PDXDC1: variants seen among roughly 807,000 people sequenced by gnomAD.
PDXDC1 encodes the protein pyridoxal dependent decarboxylase domain containing 1.
In PDXDC1, 42 loss-of-function variants were observed where a neutral mutation model predicts 100.1. The observed-to-expected ratio is 0.42, with a 90% CI of 0.33 to 0.54. The LOEUF is 0.54. Among genes scored for constraint, PDXDC1 ranks in the 20% least tolerant of loss-of-function variants. The pLI, the probability that PDXDC1 is intolerant of heterozygous loss-of-function variation, is 0.10. For synonymous variants in PDXDC1, 260 were observed against 371.7 expected, an observed-to-expected ratio of 0.70 and a Z score of 3.46; for missense variants, 636 against 979.2, an observed-to-expected ratio of 0.65 and a Z score of 4.68.
chr16:15,001,086 G>A (rs1327642348), intron 3 of PDXDC1, among the ~76,000 whole-genome samples: 2 of 152,272 alleles, frequency 1.3e-5, no homozygotes, highest in African/African-American at 4.8e-5. Context: ...TGGGCAAGGT[G>A]GCTCAGGCCT....
chr16:15,069,995 A>C, intron 16 of PDXDC1: 3 of 1,221,426 alleles, frequency 2.5e-6, no homozygotes, highest in Non-Finnish European at 1.2e-6. Context: ...AAATCTCAAA[A>C]AAGTAATGAA....
intron 16 of PDXDC1, among the ~76,000 whole-genome samples, chr16:15,090,035 C>T (rs1214813021): frequency 6.6e-6 from 1 of 151,590 alleles, no homozygotes; most frequent in Non-Finnish European, 1.5e-5. Context: ...ATGGTGAAAC[C>T]CCGTTTCTAC....
At chr16:15,052,904 GTATTACCCA>G (rs2044353664) in intron 16 of PDXDC1, among the ~76,000 whole-genome samples, 2 of 152,094 alleles carry the variant, frequency 1.3e-5, no homozygotes, top group African/African-American at 4.8e-5. Flanking sequence ...CTGTGGAACC[GTATTACCCA>G]AGATGTTGCA....
At chr16:15,069,640 G>A (rs180738012) in intron 16 of PDXDC1, among the ~76,000 whole-genome samples, 1 of 152,298 alleles carries the variant, frequency 6.6e-6, no homozygotes, top group Non-Finnish European at 1.5e-5. Flanking sequence ...CTAACCATGT[G>A]ATCTTGGGAA....
chr16:15,075,250 C>CA (rs56913254), intron 16 of PDXDC1, among the ~76,000 whole-genome samples: 1,899 of 67,836 alleles, frequency 0.028, 17 homozygotes, highest in African/African-American at 0.042. Flanking sequence ...TGTGCCCCAC[C>CA]AAAAAAAAAA....
chr16:15,074,213 G>C (rs935371261), intron 16 of PDXDC1, among the ~76,000 whole-genome samples: 3 of 152,154 alleles, frequency 2.0e-5, no homozygotes, highest in African/African-American at 7.2e-5. Flanking sequence ...TCAGATTCCA[G>C]TTCTATTATT....
chr16:15,089,579 T>A (rs553004194), intron 16 of PDXDC1, among the ~76,000 whole-genome samples: 40 of 151,686 alleles, frequency 2.6e-4, no homozygotes, highest in Non-Finnish European at 4.6e-4. Flanking sequence ...GGCGGGCGGA[T>A]CACGAGGTCA....
chr16:15,144,536 C>G, the PDXDC1 span, among the ~76,000 whole-genome samples: 1 of 152,164 alleles, frequency 6.6e-6, no homozygotes, highest in Non-Finnish European at 1.5e-5. Context: ...TGCCAGGCCC[C>G]AGGCAACAGA....
intron 16 of PDXDC1, among the ~76,000 whole-genome samples, chr16:15,066,334 A>G (rs946350560): frequency 2.0e-5 from 3 of 152,164 alleles, no homozygotes; most frequent in African/African-American, 7.2e-5. Context: ...CCTGAGCACT[A>G]AAACACTAAC....
chr16:15,021,843 C>T (rs1490456709), intron 12 of PDXDC1, among the ~76,000 whole-genome samples: 1 of 152,308 alleles, frequency 6.6e-6, no homozygotes, highest in African/African-American at 2.4e-5. Flanking sequence ...CTTCTCTTCT[C>T]CCTCTCTTCT....
chr16:15,029,438 TGGACACGCCCAGCCTAGCA>T (rs1419573611), intron 15 of PDXDC1: 1 of 369,686 alleles, frequency 2.7e-6, no homozygotes, highest in African/African-American at 2.0e-5. Context: ...TAGCCAATGC[TGGACACGCCCAGCCTAGCA>T]GGGTTGGCAG....
At chr16:15,027,213 G>A (rs1455681267) in intron 14 of PDXDC1, among the ~76,000 whole-genome samples, 9 of 152,414 alleles carry the variant, frequency 5.9e-5, no homozygotes, top group Admixed American at 3.9e-4. Context: ...TGTTGAAACC[G>A]GAAAGGTTCC....
chr16:15,003,982 C>G (rs1973734465), intron 4 of PDXDC1, among the ~76,000 whole-genome samples: 1 of 152,330 alleles, frequency 6.6e-6, no homozygotes, highest in Non-Finnish European at 1.5e-5. Flanking sequence ...GAGACTCCAT[C>G]TCAGAAAAAA....
At position 15,078,146 on chromosome 16, in the gene PDXDC1, G is replaced by GAAAGACT. The variant is rs2045545255; in HGVS notation, c.1399+48092_1399+48098dup. 2.0e-5 allele frequency among the ~76,000 whole-genome samples: 3 copies of GAAAGACT among 152,280 alleles called. No homozygotes were observed. The South Asian group carries it at 6.2e-4, about 32-fold the overall frequency. Reference sequence around the variant, plus strand: ...AAATGTTCCTTAAGTATATACCAGAGAAAGACTATAAAGAGTACATATACA... The same window carrying GAAAGACT: ...AAATGTTCCTTAAGTATATACCAGAGAAAGACTAAAGACTATAAAGAGTACATATACA... On this transcript the variant is annotated intron_variant, in intron 16 of 16. Transcript: ENST00000535621.
chr16:15,147,222 A>G, the PDXDC1 span, among the ~76,000 whole-genome samples: 3 of 152,018 alleles, frequency 2.0e-5, no homozygotes, highest in Admixed American at 1.3e-4. Context: ...AGGGCCCCTC[A>G]GCCCCTCGGG....
chr16:15,079,588 T>C (rs1366218372), intron 16 of PDXDC1, among the ~76,000 whole-genome samples: 12 of 118,572 alleles, frequency 1.0e-4, no homozygotes, highest in Non-Finnish European at 1.9e-4. Flanking sequence ...GTGCTAGTGG[T>C]TTCTTTTCTT....
At chr16:15,056,749 G>C (rs2044539963) in intron 16 of PDXDC1, among the ~76,000 whole-genome samples, 1 of 152,128 alleles carries the variant, frequency 6.6e-6, no homozygotes, top group Non-Finnish European at 1.5e-5. Flanking sequence ...GCTATGTTTG[G>C]GCACTGCAGA....
Position 15,109,690 on chromosome 16 carries a change from A to G in PDXDC1, c.1400-29189A>G, listed in dbSNP as rs2046955950. ...AAAAAAAAAAAAAAAAAAAAAAAAA[A>G]AAAAAAAAAAAATTGGCCGAATGTG... is the stretch of plus-strand genomic sequence containing the variant. On this transcript the variant is annotated intron_variant, in intron 16 of 16. Coordinates refer to the PDXDC1 transcript ENST00000535621. Among the ~76,000 whole-genome samples the G allele has an allele frequency of 4.1e-5, 5 of 121,762 alleles. No homozygotes were observed. In the Admixed American group the frequency reaches 4.6e-4, roughly 11 times the overall value. 79.9% of individuals were successfully genotyped at this position (121,762 alleles called of 152,430 possible). A position where few individuals can be genotyped will look rare whatever the true frequency, so the allele number is the denominator to read the frequency against.
Position 15,035,432 on chromosome 16 carries a change from CCT to C in PDXDC1, c.2003-13_2003-12del, listed in dbSNP as rs564603760. On this transcript the variant is annotated splice_polypyrimidine_tract_variant and intron_variant, in intron 21 of 22. Transcript: ENST00000396410. ...CCTGTGCCTGTAGCTTCTACCCAGC[CCT>C]CTCCTCTCCCGCAGGCTCTCTGGAG... The C allele has an allele frequency of 1.1e-4, 173 of 1,534,308 alleles. 3 individuals carry two copies. The South Asian group carries it at 1.7e-3, about 15-fold the overall frequency.
Sources: allele counts gnomAD v4.1 joint callset (sites outside exome capture counted in the v4.1 genomes callset), GRCh38; gene constraint gnomAD v4.1.1; transcripts MANE v1.5; gene names NCBI Gene and HGNC (gene_info 2026-07-23, HGNC 2026-07-21).